The following NLRP7 variants were observed in gnomAD, a reference collection of about 807,000 sequenced individuals.
The protein encoded by NLRP7 is NLR family pyrin domain containing 7.
In NLRP7, 72 loss-of-function variants were observed where a neutral mutation model predicts 85.5. That is an observed-to-expected ratio of 0.84 (90% CI 0.70 to 1.02). NLRP7 has a LOEUF of 1.02. Among genes scored for constraint, NLRP7 ranks in the 50% least tolerant of loss-of-function variants. NLRP7 has a pLI of 0.00. For missense variants in NLRP7, 1,243 were observed against 1,219.5 expected (o/e 1.02, Z -0.29); for synonymous variants, 550 against 505.2 (o/e 1.09, Z -1.19).
chr19:54,955,651 G>A (rs982389693), intron 1 of NLRP7, among the ~76,000 whole-genome samples: 8 of 152,042 alleles, frequency 5.3e-5, no homozygotes, highest in South Asian at 2.1e-4. Flanking sequence ...TAGCCAGGAG[G>A]TCGTGGGCGC....
chr19:54,932,106 G>A (rs973655580), intron 8 of NLRP7, among the ~76,000 whole-genome samples: 1 of 152,054 alleles, frequency 6.6e-6, no homozygotes, highest in Non-Finnish European at 1.5e-5. Flanking sequence ...TTCGTATAAC[G>A]ATCAGGTAGG....
exon 2 of NLRP7, chr19:54,941,590 G>T (rs777372046): frequency 6.2e-7 from 1 of 1,613,954 alleles, no homozygotes; most frequent in Non-Finnish European, 8.5e-7. Flanking sequence ...AGACCATGGG[G>T]TCTTCTGTAG....
intron 5 of NLRP7, among the ~76,000 whole-genome samples, chr19:54,937,466 C>T (rs1439035527): frequency 6.6e-6 from 1 of 151,700 alleles, no homozygotes; most frequent in African/African-American, 2.4e-5. Flanking sequence ...CCGAGGCAGG[C>T]GCATCACCTT....
intron 8 of NLRP7, among the ~76,000 whole-genome samples, chr19:54,932,006 C>T (rs2068700615): frequency 6.6e-6 from 1 of 152,094 alleles, no homozygotes; most frequent in Admixed American, 6.6e-5. Flanking sequence ...TTCACTTTCC[C>T]TGTCATTTTA....
At chr19:54,949,032 C>G (rs547869350), upstream of NLRP7, 1 of 152,920 alleles carries the variant, frequency 6.5e-6, no homozygotes, top group Non-Finnish European at 1.5e-5. Context: ...AATCCCTGCA[C>G]TTTGGAAGGC....
rs1414998944 is a variant in NLRP7, at chr19:54,934,623, A to C, written c.2337T>G (p.Ala779=). Residue 779 remains alanine (A), a synonymous_variant, in exon 7 of 10, where the codon GCT becomes GCG. Coordinates refer to ENST00000340844, the Ensembl canonical transcript of NLRP7. The surrounding 1 kb of genome is among the most constrained non-coding windows in gnomAD (Gnocchi z 6.7). ...TGGCTTTGAGGACATAGAAGAATTC[A>C]GCCCACTGCTCCGGGGTGGCACAGT... The C allele has an allele frequency of 1.2e-6, 2 of 1,613,946 alleles. No homozygotes were observed. Among genetic ancestry groups the C allele is most frequent in the Non-Finnish European group, 1.7e-6 (2 of 1,180,002 alleles).
chr19:54,935,874 C>T (rs1281656515), intron 6 of NLRP7, among the ~76,000 whole-genome samples: 2 of 151,914 alleles, frequency 1.3e-5, no homozygotes, highest in East Asian at 3.9e-4. Flanking sequence ...GATCTGAGAT[C>T]GAACAGTTTC....
chr19:54,939,141 T>C, exon 4 of NLRP7: 1 of 1,614,222 alleles, frequency 6.2e-7, no homozygotes, highest in Non-Finnish European at 8.5e-7. Flanking sequence ...AAGGGCTTAT[T>C]TGCATGAAGA....
chr19:54,938,029 T>A lies in NLRP7; in HGVS notation c.2129+15A>T, dbSNP rs765163659. Reference sequence around the variant, plus strand: ...ATCGTTCAGGGTCTTCCTTGCAAGATGAGCTTCTACTTACTCCACTTTCTG... The same window carrying A: ...ATCGTTCAGGGTCTTCCTTGCAAGAAGAGCTTCTACTTACTCCACTTTCTG... On this transcript the variant is annotated intron_variant, in intron 5 of 9. Coordinates refer to ENST00000340844, the Ensembl canonical transcript of NLRP7. The A allele has an allele frequency of 6.2e-7, 1 of 1,603,996 alleles. No individual in the cohort carries two copies. The highest frequency in any genetic ancestry group is 8.5e-7 in the Non-Finnish European group (1 of 1,170,920).
intron 5 of NLRP7, among the ~76,000 whole-genome samples, chr19:54,936,784 G>A (rs868785401): frequency 6.6e-6 from 1 of 152,090 alleles, no homozygotes; most frequent in Non-Finnish European, 1.5e-5. Flanking sequence ...ACATGGAGGG[G>A]CATGCTTGTA....
At chr19:54,956,167 G>GGAGGGAAA (rs2069846560) in intron 1 of NLRP7, among the ~76,000 whole-genome samples, 2 of 150,364 alleles carry the variant, frequency 1.3e-5, no homozygotes, top group South Asian at 4.2e-4. Flanking sequence ...AAGGAGGGAA[G>GGAGGGAAA]GGAAGGAGGG....
upstream of NLRP7, among the ~76,000 whole-genome samples, chr19:54,952,251 G>A (rs73605958): frequency 0.017 from 2,565 of 151,880 alleles, 83 homozygotes; most frequent in African/African-American, 0.059. Flanking sequence ...CCCTGTCTCC[G>A]CCAGCAGTCA....
intron 1 of NLRP7, among the ~76,000 whole-genome samples, chr19:54,955,709 T>C (rs6509911): frequency 0.35 from 52,041 of 150,700 alleles, 9,169 homozygotes; most frequent in African/African-American, 0.44. Context: ...ATGACGTGAA[T>C]CCCGGAGTCG....
chr19:54,939,482 C>T (rs1174307427), exon 4 of NLRP7: 2 of 1,613,272 alleles, frequency 1.2e-6, no homozygotes, highest in Non-Finnish European at 8.5e-7. Flanking sequence ...CAGGAACAGA[C>T]GGAGGTCGGA....
intron 9 of NLRP7, among the ~76,000 whole-genome samples, chr19:54,924,850 C>T (rs942639763): frequency 3.9e-5 from 6 of 152,062 alleles, no homozygotes; most frequent in African/African-American, 1.4e-4. Context: ...ACAGGAGAAT[C>T]GCTTTGAACC....
intron 1 of NLRP7, among the ~76,000 whole-genome samples, chr19:54,942,943 T>C (rs889690641): frequency 1.3e-5 from 2 of 148,776 alleles, no homozygotes; most frequent in African/African-American, 5.0e-5. Context: ...TGTCAGGAGT[T>C]TGAGACCCGC....
At position 54,934,359 on chromosome 19, in the gene NLRP7, G is replaced by A; in HGVS notation, c.2471+130C>T. ...TGAGATTACAGGCAGGAGCCACCGTGCCGGGCCTGAAGCAGGTGTTTATTT... is the reference window on the plus strand; with the variant it reads ...TGAGATTACAGGCAGGAGCCACCGTACCGGGCCTGAAGCAGGTGTTTATTT... On this transcript the variant is annotated intron_variant, in intron 7 of 9. Coordinates refer to ENST00000340844, the Ensembl canonical transcript of NLRP7. The surrounding 1 kb of genome is among the most constrained non-coding windows in gnomAD (Gnocchi z 6.7). 2 of 916,586 alleles carry A rather than the reference G, an allele frequency of 2.2e-6. No homozygotes were observed. Among genetic ancestry groups the A allele is most frequent in the Middle Eastern group, 2.3e-4 (1 of 4,306 alleles). The allele number at this position is 916,586 out of a possible 1,614,324, so 56.8% of individuals were successfully genotyped here.
exon 2 of NLRP7, chr19:54,941,452 G>T (rs778606500): frequency 6.2e-7 from 1 of 1,600,512 alleles, no homozygotes; most frequent in South Asian, 1.1e-5. Context: ...CTCAGCCTTT[G>T]CCATCTTACA....
At chr19:54,947,628 T>C, upstream of NLRP7, 6 of 1,289,560 alleles carry the variant, frequency 4.7e-6, no homozygotes, top group Non-Finnish European at 6.1e-6. Context: ...TCCCAACCAC[T>C]GACCTCAGGC....
Sources: allele counts gnomAD v4.1 joint callset (sites outside exome capture counted in the v4.1 genomes callset), GRCh38; gene constraint gnomAD v4.1.1; non-coding constraint Gnocchi (gnomAD v3.1); transcripts MANE v1.5; gene names NCBI Gene and HGNC (gene_info 2026-07-23, HGNC 2026-07-21).